The following LRRC63 variants were observed in gnomAD, a reference collection of about 807,000 sequenced individuals.
LRRC63 encodes the protein leucine-rich repeat-containing protein 63.
A neutral mutation model predicts 49.5 loss-of-function variants in LRRC63; 40 were observed. The ratio of observed to expected loss-of-function variants is 0.81; its 90% CI spans 0.63 to 1.05. LRRC63 has a LOEUF of 1.05. Ranked by LOEUF, LRRC63 falls within the 50% of genes least tolerant of loss-of-function variation. The probability of loss-of-function intolerance (pLI) is 0.00; values close to 1 mark genes in which losing one functional copy is unlikely to be tolerated. For missense variants in LRRC63, 636 were observed against 663.1 expected (o/e 0.96, Z 0.45); for synonymous variants, 191 against 221.1 (o/e 0.86, Z 1.21).
intron 7 of LRRC63, among the ~76,000 whole-genome samples, chr13:46,253,057 A>T (rs953979344): frequency 6.6e-6 from 1 of 152,018 alleles, no homozygotes; most frequent in African/African-American, 2.4e-5. Flanking sequence ...ACCAGTTGGA[A>T]GGCCATTGCA....
chr13:46,258,346 G>C (rs972174646), intron 7 of LRRC63, among the ~76,000 whole-genome samples: 1 of 150,350 alleles, frequency 6.7e-6, no homozygotes, highest in African/African-American at 2.4e-5. Context: ...GGCCAGGCTG[G>C]TCTTGAACTC....
chr13:46,213,943 A>G (rs1344241148), intron 2 of LRRC63, among the ~76,000 whole-genome samples: 3 of 152,210 alleles, frequency 2.0e-5, no homozygotes, highest in African/African-American at 7.2e-5. Context: ...TCCCTTCATT[A>G]GTTACCCACT....
At chr13:46,219,800 T>C (rs1285876799) in intron 2 of LRRC63, among the ~76,000 whole-genome samples, 1 of 152,222 alleles carries the variant, frequency 6.6e-6, no homozygotes, top group Admixed American at 6.5e-5. Flanking sequence ...GGACATCTTT[T>C]TGTTGATGTT....
At chr13:46,220,902 C>T (rs1460648253) in intron 2 of LRRC63, among the ~76,000 whole-genome samples, 1 of 152,130 alleles carries the variant, frequency 6.6e-6, no homozygotes, top group Non-Finnish European at 1.5e-5. Context: ...TGAGGTGACG[C>T]CGCACCCTGC....
intron 4 of LRRC63, among the ~76,000 whole-genome samples, chr13:46,231,503 A>C (rs1384337243): frequency 2.0e-5 from 3 of 150,888 alleles, no homozygotes; most frequent in Non-Finnish European, 4.4e-5. Context: ...GGTGCCACAC[A>C]CTTTTTCTTT....
At chr13:46,269,738 A>G (rs1594100427) in intron 9 of LRRC63, among the ~76,000 whole-genome samples, 1 of 150,062 alleles carries the variant, frequency 6.7e-6, no homozygotes, top group Admixed American at 6.7e-5. Context: ...AAATTAAAAG[A>G]CAAGCCATTA....
chr13:46,258,552 G>C (rs1336258572), intron 7 of LRRC63, among the ~76,000 whole-genome samples: 1 of 150,610 alleles, frequency 6.6e-6, no homozygotes, highest in African/African-American at 2.4e-5. Context: ...GCTCACGCCT[G>C]TAATCCCAGC....
intron 5 of LRRC63, among the ~76,000 whole-genome samples, chr13:46,235,232 G>C (rs2138442739): frequency 6.6e-6 from 1 of 152,224 alleles, no homozygotes; most frequent in South Asian, 2.1e-4. Flanking sequence ...AGTTCTCTCT[G>C]TCCTCCTCCC....
chr13:46,256,316 G>A (rs1374646706), intron 7 of LRRC63, among the ~76,000 whole-genome samples: 1 of 152,186 alleles, frequency 6.6e-6, no homozygotes, highest in Non-Finnish European at 1.5e-5. Flanking sequence ...CTGAATATAT[G>A]TGCCAACTTT....
intron 2 of LRRC63, among the ~76,000 whole-genome samples, chr13:46,225,380 T>A (rs2046540601): frequency 6.6e-6 from 1 of 152,244 alleles, no homozygotes; most frequent in South Asian, 2.1e-4. Context: ...CTGGATCACC[T>A]GCCCCAGGCT....
intron 9 of LRRC63, among the ~76,000 whole-genome samples, chr13:46,272,538 G>C (rs1329776093): frequency 2.0e-5 from 3 of 152,090 alleles, no homozygotes; most frequent in African/African-American, 7.2e-5. Context: ...ATCATTGTTG[G>C]TACTATAAAT....
chr13:46,256,169 A>G (rs1045770927), intron 7 of LRRC63, among the ~76,000 whole-genome samples: 3 of 152,382 alleles, frequency 2.0e-5, no homozygotes, highest in Middle Eastern at 3.4e-3. Flanking sequence ...AATACCCATG[A>G]TATACATGGG....
At chr13:46,231,177 C>A (rs920975100) in intron 4 of LRRC63, among the ~76,000 whole-genome samples, 1 of 152,208 alleles carries the variant, frequency 6.6e-6, no homozygotes, top group African/African-American at 2.4e-5. Context: ...CTAGAAACTT[C>A]CAACCTCTGC....
chr13:46,271,731 A>AAAC (rs1203959145), intron 9 of LRRC63, among the ~76,000 whole-genome samples: 1 of 151,534 alleles, frequency 6.6e-6, no homozygotes, highest in Non-Finnish European at 1.5e-5. Flanking sequence ...TAAAAAAAAA[A>AAAC]AAAAAACTCC....
At chr13:46,250,147 G>A (rs1457069150) in intron 6 of LRRC63, 1 of 387,786 alleles carries the variant, frequency 2.6e-6, no homozygotes, top group African/African-American at 2.0e-5. Context: ...TGAGTACAGT[G>A]GTTGCACTAT....
chr13:46,229,937 C>G (rs148292307), intron 4 of LRRC63, among the ~76,000 whole-genome samples: 1 of 152,112 alleles, frequency 6.6e-6, no homozygotes, highest in Non-Finnish European at 1.5e-5. Context: ...TTGAACATCA[C>G]ATGATGAGAG....
At chr13:46,255,796 C>T (rs796736011) in intron 7 of LRRC63, among the ~76,000 whole-genome samples, 63 of 152,014 alleles carry the variant, frequency 4.1e-4, no homozygotes, top group South Asian at 2.1e-3. Context: ...AACAAATATA[C>T]GCACCCATAT....
rs1489679321 is a variant in LRRC63, at chr13:46,254,847, A to G, written c.1226+4356A>G. On this transcript the variant is annotated intron_variant, in intron 7 of 9. Coordinates refer to ENST00000595396, the Ensembl canonical transcript of LRRC63. ...TCAGTAGCTCAGTCATTCATGTGTA[A>G]GATGGAGAAGGTAGATTTTAGCCTC... Among the ~76,000 whole-genome samples, 4 of 152,152 alleles carry G rather than the reference A, an allele frequency of 2.6e-5. No homozygotes were observed. In the East Asian group the frequency reaches 7.7e-4, roughly 29 times the overall value.
intron 7 of LRRC63, among the ~76,000 whole-genome samples, chr13:46,259,528 C>T (rs975282549): frequency 2.0e-5 from 3 of 152,092 alleles, no homozygotes; most frequent in South Asian, 2.1e-4. Context: ...GTAGGTTCTT[C>T]GGGAAAGAGA....
Sources: allele counts gnomAD v4.1 joint callset (sites outside exome capture counted in the v4.1 genomes callset), GRCh38; gene constraint gnomAD v4.1.1; transcripts MANE v1.5; gene names NCBI Gene and HGNC (gene_info 2026-07-23, HGNC 2026-07-21).